PCDH15: variants seen among roughly 807,000 people sequenced by gnomAD.
The protein encoded by PCDH15 is protocadherin-15.
In PCDH15, 129 loss-of-function variants were observed where a neutral mutation model predicts 178.5. That is an observed-to-expected ratio of 0.72 (90% confidence interval 0.63 to 0.84). The LOEUF (loss-of-function observed/expected upper bound fraction) is 0.84, where lower values mean the gene tolerates loss of function less well. PCDH15 is among the 40% of genes least tolerant of loss of function. The pLI is 0.00. For synonymous variants in PCDH15, 800 were observed against 732.0 expected, an observed-to-expected ratio of 1.09 and a Z score of -1.50; for missense variants, 2,230 against 2,099.9, an observed-to-expected ratio of 1.06 and a Z score of -1.21.
intron 3 of PCDH15, among the ~76,000 whole-genome samples, chr10:54,826,906 T>C (rs1953141191): frequency 2.0e-5 from 3 of 152,114 alleles, no homozygotes; most frequent in African/African-American, 7.2e-5. Flanking sequence ...TGAACTTATA[T>C]GCAGACTTAG....
chr10:54,821,220 G>T (rs1238692604), intron 3 of PCDH15, among the ~76,000 whole-genome samples: 3 of 151,998 alleles, frequency 2.0e-5, no homozygotes, highest in Non-Finnish European at 4.4e-5. Context: ...CAAGTTCCAT[G>T]TTTGTGTGTA....
In PCDH15 at chr10:53,870,546, G is replaced by T. The variant is rs1361040949; in HGVS notation, c.3502-3689C>A. On this transcript the variant is annotated intron_variant, in intron 26 of 37. Coordinates refer to ENST00000644397, the MANE Select transcript of PCDH15 (RefSeq NM_001384140.1). ...TCAAAGATGATTGCCAGGATCATTA[G>T]CATATTTTTCAAATCTCCCCTCTTC... Among the ~76,000 whole-genome samples, 6 of 152,206 alleles carry T rather than the reference G, an allele frequency of 3.9e-5. No homozygotes were observed. The South Asian group carries it at 1.2e-3, about 32-fold the overall frequency.
chr10:55,597,469 TG>T (rs1842959915), intron 2 of PCDH15, among the ~76,000 whole-genome samples: 1 of 152,068 alleles, frequency 6.6e-6, no homozygotes, highest in Non-Finnish European at 1.5e-5. Context: ...AATTTAACCA[TG>T]AACACTCCAA....
chr10:54,997,495 G>T lies in PCDH15; in HGVS notation c.-79-99995C>A, dbSNP rs149969021. ...ATTGTCAGCATACATTTTCATCTGG[G>T]TTTTATATTTGTCTTTGCTAGATAT... is the stretch of plus-strand genomic sequence containing the variant. On this transcript the variant is annotated intron_variant, in intron 2 of 5. Transcript: ENST00000458638. 1.7e-3 allele frequency among the ~76,000 whole-genome samples: 257 copies of T among 152,160 alleles called. 1 individual carries two copies. Among genetic ancestry groups the T allele is most frequent in the African/African-American group, 5.9e-3 (243 of 41,504 alleles).
chr10:53,939,779 T>C (rs1288508057), intron 24 of PCDH15, among the ~76,000 whole-genome samples: 1 of 152,072 alleles, frequency 6.6e-6, no homozygotes, highest in Non-Finnish European at 1.5e-5. Flanking sequence ...TGTACAACAG[T>C]CACTGTGGGG....
At chr10:54,834,614 G>GA (rs1386699760) in intron 3 of PCDH15, among the ~76,000 whole-genome samples, 1 of 151,876 alleles carries the variant, frequency 6.6e-6, no homozygotes, top group Non-Finnish European at 1.5e-5. Flanking sequence ...AGAGTGACAA[G>GA]AAAAAATAAT....
rs572416480 is a variant in PCDH15, at chr10:55,480,641, T to C, written c.-156+146984A>G. 1.7e-4 allele frequency among the ~76,000 whole-genome samples: 26 copies of C among 152,000 alleles called. No individual in the cohort carries two copies. In the South Asian group the frequency reaches 5.2e-3, roughly 30 times the overall value. On this transcript the variant is annotated intron_variant, in intron 2 of 5. Coordinates refer to the PCDH15 transcript ENST00000613346. ...TATATGATCAATCACATTTATTGATTTGTGTATGTTGAACCAACCTTGCAT... is the reference window on the plus strand; with the variant it reads ...TATATGATCAATCACATTTATTGATCTGTGTATGTTGAACCAACCTTGCAT...
chr10:53,963,075 C>G (rs1018430880), intron 21 of PCDH15, among the ~76,000 whole-genome samples: 1 of 152,136 alleles, frequency 6.6e-6, no homozygotes, highest in African/African-American at 2.4e-5. Context: ...ACATTACCCC[C>G]CACAGGGTGT....
intron 2 of PCDH15, among the ~76,000 whole-genome samples, chr10:55,019,295 T>A (rs1364968626): frequency 6.6e-6 from 1 of 152,186 alleles, no homozygotes; most frequent in Admixed American, 6.6e-5. Flanking sequence ...AGATATTTAA[T>A]CCTCTCACTT....
chr10:54,734,488 T>G (rs1011576558), intron 1 of PCDH15, among the ~76,000 whole-genome samples: 1 of 151,674 alleles, frequency 6.6e-6, no homozygotes, highest in Non-Finnish European at 1.5e-5. Flanking sequence ...CTTTGGAAAA[T>G]AGTCTGCCAG....
At chr10:54,435,732 A>AAAG (rs1460567614) in intron 3 of PCDH15, among the ~76,000 whole-genome samples, 7 of 152,102 alleles carry the variant, frequency 4.6e-5, no homozygotes, top group Admixed American at 2.0e-4. Flanking sequence ...GCACTTTGGG[A>AAAG]GGCTGAGAAG....
intron 8 of PCDH15, among the ~76,000 whole-genome samples, chr10:54,254,055 A>G (rs1240720534): frequency 6.6e-6 from 1 of 152,136 alleles, no homozygotes; most frequent in Non-Finnish European, 1.5e-5. Flanking sequence ...ATATAAGTAA[A>G]CCATTTTTAG....
chr10:54,271,333 C>A (rs2058035593), intron 8 of PCDH15, among the ~76,000 whole-genome samples: 1 of 152,062 alleles, frequency 6.6e-6, no homozygotes, highest in South Asian at 2.1e-4. Flanking sequence ...GCTCCAGCCT[C>A]CTGAGTAGCT....
chr10:54,913,663 C>T (rs1954855919), intron 2 of PCDH15, among the ~76,000 whole-genome samples: 1 of 152,158 alleles, frequency 6.6e-6, no homozygotes. Flanking sequence ...CTTGGAAAAG[C>T]CGCAGGCACT....
chr10:54,949,144 A>G (rs946187401), intron 2 of PCDH15, among the ~76,000 whole-genome samples: 7 of 151,844 alleles, frequency 4.6e-5, no homozygotes, highest in Non-Finnish European at 1.0e-4. Flanking sequence ...CCCTAACTTT[A>G]TGTATTAGTC....
intron 15 of PCDH15, among the ~76,000 whole-genome samples, chr10:54,104,850 A>C (rs1312361408): frequency 1.4e-4 from 20 of 144,084 alleles, no homozygotes; most frequent in East Asian, 6.0e-4. Context: ...AACAACAAAA[A>C]AAAAAAAAAA....
intron 2 of PCDH15, among the ~76,000 whole-genome samples, chr10:55,136,120 T>A (rs921953245): frequency 6.6e-6 from 1 of 152,092 alleles, no homozygotes; most frequent in Admixed American, 6.6e-5. Context: ...AAAATAATAA[T>A]CCTAGTATGT....
intron 5 of PCDH15, among the ~76,000 whole-genome samples, chr10:54,356,719 A>G (rs1365773741): frequency 6.6e-6 from 1 of 152,072 alleles, no homozygotes; most frequent in Non-Finnish European, 1.5e-5. Context: ...CACAGTTTAG[A>G]GGAGACTGAA....
At chr10:54,641,945 T>C (rs958156960) in intron 2 of PCDH15, among the ~76,000 whole-genome samples, 2 of 152,174 alleles carry the variant, frequency 1.3e-5, no homozygotes, top group African/African-American at 4.8e-5. Context: ...TAACAAACCT[T>C]GGTCTCTACA....
Sources: allele counts gnomAD v4.1 joint callset (sites outside exome capture counted in the v4.1 genomes callset), GRCh38; gene constraint gnomAD v4.1.1; transcripts MANE v1.5; gene names NCBI Gene and HGNC (gene_info 2026-07-23, HGNC 2026-07-21).